The following THSD7A variants were observed in gnomAD, a reference collection of about 807,000 sequenced individuals.
THSD7A encodes the protein thrombospondin type 1 domain containing 7A.
A neutral mutation model predicts 231.3 loss-of-function variants in THSD7A; 96 were observed. That is an observed-to-expected ratio of 0.41 (90% CI 0.35 to 0.49). THSD7A has a LOEUF of 0.49. Among genes scored for constraint, THSD7A ranks in the 20% least tolerant of loss-of-function variants. THSD7A has a pLI of 0.05. For missense variants in THSD7A, 2,290 were observed against 2,070.2 expected (o/e 1.11, Z -2.06); for synonymous variants, 940 against 743.3 (o/e 1.26, Z -4.30).
intron 1 of THSD7A, among the ~76,000 whole-genome samples, chr7:11,754,026 A>C (rs1047492729): frequency 2.0e-5 from 3 of 152,060 alleles, no homozygotes; most frequent in Non-Finnish European, 4.4e-5. Context: ...TCTATTTTTA[A>C]CAAAAATACT....
At chr7:11,452,336 C>T (rs1583768383) in intron 11 of THSD7A, among the ~76,000 whole-genome samples, 1 of 151,944 alleles carries the variant, frequency 6.6e-6, no homozygotes, top group Non-Finnish European at 1.5e-5. Flanking sequence ...CAAGAGGGCT[C>T]CAGTTGTTTA....
intron 6 of THSD7A, among the ~76,000 whole-genome samples, chr7:11,508,910 G>T (rs747209063): frequency 1.3e-5 from 2 of 152,180 alleles, no homozygotes; most frequent in Non-Finnish European, 2.9e-5. Context: ...TAGAATCAAA[G>T]AGTAGAATGG....
At chr7:11,638,090 G>A (rs962518508) in intron 1 of THSD7A, among the ~76,000 whole-genome samples, 3 of 152,156 alleles carry the variant, frequency 2.0e-5, no homozygotes, top group East Asian at 1.9e-4. Flanking sequence ...CACTACTGTC[G>A]TCCTCCCTGA....
At chr7:11,455,018 G>A (rs1224831824) in intron 11 of THSD7A, among the ~76,000 whole-genome samples, 11 of 151,966 alleles carry the variant, frequency 7.2e-5, no homozygotes, top group Non-Finnish European at 1.5e-5. Flanking sequence ...GTATTTGAAG[G>A]TGAGGTCATG....
intron 22 of THSD7A, among the ~76,000 whole-genome samples, chr7:11,402,169 A>G (rs1331290373): frequency 7.9e-5 from 12 of 152,188 alleles, no homozygotes; most frequent in Admixed American, 7.9e-4. Context: ...CCGTATGGCT[A>G]TTACTGGTCT....
chr7:11,820,116 C>A (rs1370492945), intron 1 of THSD7A, among the ~76,000 whole-genome samples: 1 of 152,160 alleles, frequency 6.6e-6, no homozygotes, highest in Admixed American at 6.5e-5. Context: ...GGGCCTGACC[C>A]CCGGGCTCCA....
intron 13 of THSD7A, among the ~76,000 whole-genome samples, chr7:11,438,852 C>T (rs1044333731): frequency 5.3e-5 from 8 of 151,822 alleles, no homozygotes; most frequent in African/African-American, 1.2e-4. Context: ...TTTGACAATC[C>T]GGTAGTAAAT....
At chr7:11,695,618 C>G (rs928707748) in intron 1 of THSD7A, among the ~76,000 whole-genome samples, 2 of 151,240 alleles carry the variant, frequency 1.3e-5, no homozygotes, top group African/African-American at 4.8e-5. Context: ...ATTAAACTGT[C>G]AAATGAGAAA....
At chr7:11,760,562 C>T (rs529438445) in intron 1 of THSD7A, among the ~76,000 whole-genome samples, 9 of 152,048 alleles carry the variant, frequency 5.9e-5, no homozygotes, top group Admixed American at 2.0e-4. Flanking sequence ...CTTCCAGGAA[C>T]AATTGCAGAA....
At chr7:11,610,852 T>C (rs1780898258) in intron 2 of THSD7A, among the ~76,000 whole-genome samples, 1 of 152,178 alleles carries the variant, frequency 6.6e-6, no homozygotes, top group African/African-American at 2.4e-5. Context: ...GCTATATTTT[T>C]ATCTCATTAC....
intron 1 of THSD7A, among the ~76,000 whole-genome samples, chr7:11,733,946 A>G (rs1393898230): frequency 6.6e-6 from 1 of 151,778 alleles, no homozygotes; most frequent in Admixed American, 6.6e-5. Context: ...TTCTTTTGTT[A>G]TATTTCCCTT....
chr7:11,715,196 AT>A (rs1384252501), intron 1 of THSD7A, among the ~76,000 whole-genome samples: 2 of 151,446 alleles, frequency 1.3e-5, no homozygotes, highest in Non-Finnish European at 1.5e-5. Flanking sequence ...GAAAAATCAT[AT>A]TGTTTTCCTC....
intron 1 of THSD7A, among the ~76,000 whole-genome samples, chr7:11,729,452 T>C (rs1781654032): frequency 6.6e-6 from 1 of 151,732 alleles, no homozygotes; most frequent in Non-Finnish European, 1.5e-5. Context: ...GGAGAGAAAC[T>C]GAAGCAAGAA....
intron 4 of THSD7A, among the ~76,000 whole-genome samples, chr7:11,545,535 C>A (rs1337886367): frequency 6.6e-6 from 1 of 152,054 alleles, no homozygotes; most frequent in South Asian, 2.1e-4. Context: ...TGAAGGTGGA[C>A]AGAGGGAGAA....
intron 6 of THSD7A, among the ~76,000 whole-genome samples, chr7:11,517,330 G>C (rs974980272): frequency 6.6e-6 from 1 of 151,826 alleles, no homozygotes; most frequent in African/African-American, 2.4e-5. Context: ...CGCCCACCTC[G>C]GCCTCCCAAA....
At chr7:11,702,934 T>A (rs1297170192) in intron 1 of THSD7A, among the ~76,000 whole-genome samples, 1 of 151,260 alleles carries the variant, frequency 6.6e-6, no homozygotes, top group Non-Finnish European at 1.5e-5. Flanking sequence ...CTTGGTATAA[T>A]TATTTTAGCT....
intron 7 of THSD7A, among the ~76,000 whole-genome samples, chr7:11,479,012 G>T (rs966114453): frequency 5.3e-5 from 8 of 152,196 alleles, no homozygotes; most frequent in African/African-American, 1.9e-4. Flanking sequence ...TCGACAGATA[G>T]ATTCTCCAAG....
intron 1 of THSD7A, among the ~76,000 whole-genome samples, chr7:11,815,615 T>C (rs564223318): frequency 5.3e-5 from 8 of 152,172 alleles, no homozygotes; most frequent in Admixed American, 1.3e-4. Context: ...CTACCTAAGA[T>C]AGCATTTCTC....
chr7:11,581,454 A>G (rs1791160643), intron 4 of THSD7A, among the ~76,000 whole-genome samples: 1 of 152,216 alleles, frequency 6.6e-6, no homozygotes, highest in Admixed American at 6.6e-5. Context: ...CTGTCTGGGT[A>G]ATAATTTCTT....
Sources: gnomAD v4.1 joint callset for allele counts (sites outside exome capture counted in the v4.1 genomes callset) on GRCh38, gnomAD v4.1.1 for gene constraint, MANE v1.5 for transcripts, NCBI Gene and HGNC (gene_info 2026-07-23, HGNC 2026-07-21) for gene names.